Variants in SCYL3 observed in about 807,000 individuals in gnomAD.
The protein encoded by SCYL3 is protein-associating with the carboxyl-terminal domain of ezrin.
Under a neutral mutation model 73.8 loss-of-function variants are expected in SCYL3, and 35 were observed. The observed-to-expected ratio is 0.47, with a 90% confidence interval of 0.36 to 0.63. SCYL3 has a LOEUF of 0.63. Ranked by LOEUF, SCYL3 falls within the 20% of genes least tolerant of loss-of-function variation. The pLI is 0.00. For missense variants in SCYL3, 712 were observed against 798.9 expected (o/e 0.89, Z 1.31); for synonymous variants, 277 against 295.2 (o/e 0.94, Z 0.63).
chr1:169,856,828 C>A (rs183608910), intron 11 of SCYL3, among the ~76,000 whole-genome samples: 1 of 152,280 alleles, frequency 6.6e-6, no homozygotes, highest in African/African-American at 2.4e-5. Flanking sequence ...TTCATTAGCA[C>A]CAAGGAAGAG....
intron 5 of SCYL3, among the ~76,000 whole-genome samples, chr1:169,870,720 ACTAT>A (rs1375972680): frequency 2.0e-5 from 3 of 152,062 alleles, no homozygotes; most frequent in Admixed American, 6.5e-5. Context: ...GCTTAGCCTT[ACTAT>A]CTAAGATGCC....
intron 2 of SCYL3, among the ~76,000 whole-genome samples, chr1:169,881,615 C>A (rs905491795): frequency 6.6e-6 from 1 of 152,170 alleles, no homozygotes; most frequent in African/African-American, 2.4e-5. Flanking sequence ...TTCCTGGCCT[C>A]TGGTAACCAC....
At chr1:169,878,076 A>C (rs1660981841) in intron 3 of SCYL3, among the ~76,000 whole-genome samples, 1 of 152,236 alleles carries the variant, frequency 6.6e-6, no homozygotes, top group African/African-American at 2.4e-5. Flanking sequence ...CCTAGGAACC[A>C]TCTTCTAGTA....
chr1:169,854,689 G>A lies in SCYL3; in HGVS notation c.1588C>T (p.Pro530Ser). 1 of 1,613,922 alleles carries A rather than the reference G, an allele frequency of 6.2e-7. No individual in the cohort carries two copies. Among genetic ancestry groups the A allele is most frequent in the Non-Finnish European group, 8.5e-7 (1 of 1,179,928 alleles). Residue 530 changes from proline to serine, a missense_variant, in exon 12 of 13, where the codon CCA becomes TCA. Pro to Ser is a moderately conservative substitution (Grantham distance 74). Transcript: ENST00000367771. ...TTTGTAGCAGTGATTCCACCTCCTG[G>A]GTTTACTTTAGTATCTAAGCTGCTG... The part of the protein sequence containing the change: ...EPSSLDTKVN[P>S]GGGITATKPV...
intron 5 of SCYL3, among the ~76,000 whole-genome samples, chr1:169,871,276 G>GA (rs1660371614): frequency 6.6e-6 from 1 of 152,208 alleles, no homozygotes; most frequent in African/African-American, 2.4e-5. Flanking sequence ...GCAGGTGACT[G>GA]AATTATGGGG....
intron 1 of SCYL3, among the ~76,000 whole-genome samples, chr1:169,892,943 G>A (rs1662188057): frequency 1.3e-5 from 2 of 152,154 alleles, no homozygotes; most frequent in African/African-American, 2.4e-5. Context: ...AGGATGCACT[G>A]TACTGGCTGA....
At position 169,864,471 on chromosome 1, in the gene SCYL3, A is replaced by G. The variant is rs1220013925; in HGVS notation, c.853T>C (p.Leu285=). 3.1e-6 allele frequency: 5 copies of G among 1,610,318 alleles called. No homozygotes were observed. The highest frequency in any genetic ancestry group is 1.1e-5 in the South Asian group (1 of 90,098). Residue 285 remains leucine (L), a synonymous_variant, in exon 9 of 13, where the codon TTG becomes CTG. Coordinates refer to ENST00000367771, the MANE Select transcript of SCYL3 (RefSeq NM_020423.7). ...AGAGGCACCAACCTTGAAGCTATCA[A>G]TTCCTCTGACAAGCAGCTGACTCTG... The part of the protein sequence containing the change: ...LDRVSCLSEE[L]IASRLVPLLL...
At chr1:169,871,038 CTCTTAA>C (rs1426236436) in intron 5 of SCYL3, among the ~76,000 whole-genome samples, 2 of 152,152 alleles carry the variant, frequency 1.3e-5, no homozygotes, top group African/African-American at 2.4e-5. Flanking sequence ...TTTACCAGCA[CTCTTAA>C]TAATCATTCT....
At position 169,852,623 on chromosome 1, in the gene SCYL3, T is replaced by G. The variant is rs2102106244; in HGVS notation, c.*1090A>C. The G allele has an allele frequency of 3.0e-6, 2 of 661,340 alleles. No homozygotes were observed. Among genetic ancestry groups the G allele is most frequent in the South Asian group, 2.0e-5 (1 of 49,926 alleles). The allele number at this position is 661,340 out of a possible 1,614,324, so 41.0% of individuals were successfully genotyped here. Reference sequence around the variant, plus strand: ...AATTGCTATGATAAACCAAAATGCCTTTACATATTTTTCTAGATGACTGTG... The same window carrying G: ...AATTGCTATGATAAACCAAAATGCCGTTACATATTTTTCTAGATGACTGTG... On this transcript the variant is annotated 3_prime_UTR_variant, in exon 13 of 13. Coordinates refer to ENST00000367771, the MANE Select transcript of SCYL3 (RefSeq NM_020423.7).
At chr1:169,891,279 G>A (rs551700480) in intron 1 of SCYL3, among the ~76,000 whole-genome samples, 1 of 152,272 alleles carries the variant, frequency 6.6e-6, no homozygotes, top group Non-Finnish European at 1.5e-5. Flanking sequence ...CACTGGGACC[G>A]TAGCTTAGTC....
chr1:169,874,875 C>T (rs575826895), intron 4 of SCYL3, among the ~76,000 whole-genome samples: 5 of 152,168 alleles, frequency 3.3e-5, no homozygotes, highest in East Asian at 1.9e-4. Flanking sequence ...TGCAGTAAGC[C>T]GAGATCGCAC....
intron 9 of SCYL3, 42 bp from the exon 10 acceptor site, chr1:169,862,839 T>C (rs1659760020): frequency 6.3e-7 from 1 of 1,596,160 alleles, no homozygotes; most frequent in East Asian, 2.2e-5. Context: ...AAACAAATTT[T>C]CATTTCAGTG....
Position 169,874,573 on chromosome 1 carries a change from A to T in SCYL3, c.466-821T>A, listed in dbSNP as rs564380455. 3.6e-4 allele frequency among the ~76,000 whole-genome samples: 55 copies of T among 152,290 alleles called. No homozygotes were observed. The South Asian group carries it at 0.011, about 29-fold the overall frequency. ...GAAGAAGAGTGTGAAGGAAGAAGGC[A>T]TATGTGGGAACACAGCTGAACTGCA... On this transcript the variant is annotated intron_variant, in intron 4 of 12. Coordinates refer to ENST00000367771, the MANE Select transcript of SCYL3 (RefSeq NM_020423.7).
chr1:169,883,196 G>A (rs1015985473), intron 2 of SCYL3, among the ~76,000 whole-genome samples: 2 of 152,094 alleles, frequency 1.3e-5, no homozygotes, highest in Admixed American at 6.5e-5. Context: ...GAGGGTCCGC[G>A]GCTTCATTCT....
At chr1:169,878,061 G>C (rs1439779165) in intron 3 of SCYL3, among the ~76,000 whole-genome samples, 1 of 152,114 alleles carries the variant, frequency 6.6e-6, no homozygotes, top group Non-Finnish European at 1.5e-5. Flanking sequence ...CAGACCAGAA[G>C]TAAACCTAGG....
chr1:169,881,662 A>T (rs1244172704), intron 2 of SCYL3, among the ~76,000 whole-genome samples: 1 of 152,164 alleles, frequency 6.6e-6, no homozygotes, highest in Non-Finnish European at 1.5e-5. Flanking sequence ...CAACTTTTTT[A>T]GATTCCACAT....
chr1:169,891,086 T>G (rs554163075), intron 1 of SCYL3, among the ~76,000 whole-genome samples: 1 of 152,292 alleles, frequency 6.6e-6, no homozygotes, highest in African/African-American at 2.4e-5. Context: ...AGTGAAGAGA[T>G]AAACTGGCCA....
rs1451455854 is a variant in SCYL3 at position 169,890,370 on chromosome 1, ACT to A, written c.-50-1482_-50-1481del. Among the ~76,000 whole-genome samples, 8 of 152,358 alleles carry A rather than the reference ACT, an allele frequency of 5.3e-5. No homozygotes were observed. In the East Asian group the frequency reaches 1.2e-3, roughly 22 times the overall value. ...AAATTAGAAAATAGAGTTCTTACTA[ACT>A]CTGGCAATGTAGAAAGCAAACTGCT... On this transcript the variant is annotated intron_variant, in intron 1 of 12. Transcript: ENST00000367771.
chr1:169,850,428 G>A lies in SCYL3; in HGVS notation c.*3285C>T, dbSNP rs2102072741. On this transcript the variant is annotated 3_prime_UTR_variant, in exon 13 of 13. Transcript: ENST00000367771. ...TTATGTAACTGTAACCAACCTGAGT[G>A]TCTTCTTAGCTTAAACTTTTCACAG... 4.4e-6 allele frequency: 4 copies of A among 902,932 alleles called. No individual in the cohort carries two copies. Among genetic ancestry groups the A allele is most frequent in the Non-Finnish European group, 7.0e-6 (4 of 573,940 alleles). 55.9% of individuals were successfully genotyped at this position (902,932 alleles called of 1,614,324 possible). A position where few individuals can be genotyped will look rare whatever the true frequency, so the allele number is the denominator to read the frequency against.
Sources: gnomAD v4.1 joint callset for allele counts (sites outside exome capture counted in the v4.1 genomes callset) on GRCh38, gnomAD v4.1.1 for gene constraint, MANE v1.5 for transcripts, NCBI Gene and HGNC (gene_info 2026-07-23, HGNC 2026-07-21) for gene names.